LRP1B: variants seen among roughly 807,000 people sequenced by gnomAD.
The protein encoded by LRP1B is low-density lipoprotein receptor-related protein 1B.
In LRP1B, 217 loss-of-function variants were observed where a neutral mutation model predicts 556.6. The observed-to-expected ratio is 0.39, with a 90% CI of 0.35 to 0.44. The LOEUF is 0.44. LRP1B is among the 20% of genes least tolerant of loss of function. The pLI is 1.00. For synonymous variants in LRP1B, 2,047 were observed against 1,865.8 expected (o/e 1.10, Z -2.50); for missense variants, 5,053 against 5,620.8 (o/e 0.90, Z 3.23).
intron 84 of LRP1B, among the ~76,000 whole-genome samples, chr2:140,291,654 G>T (rs984896989): frequency 6.6e-6 from 1 of 151,852 alleles, no homozygotes; most frequent in Admixed American, 6.6e-5. Context: ...CCTTTCTATG[G>T]CTGCATAGTA....
chr2:140,633,600 CAAG>C (rs1683971427), intron 41 of LRP1B, among the ~76,000 whole-genome samples: 1 of 151,980 alleles, frequency 6.6e-6, no homozygotes, highest in African/African-American at 2.4e-5. Flanking sequence ...TTTAAAGAGA[CAAG>C]AAGACACAAA....
chr2:141,933,834 A>G (rs991218445), intron 1 of LRP1B, among the ~76,000 whole-genome samples: 4 of 152,174 alleles, frequency 2.6e-5, no homozygotes, highest in Non-Finnish European at 5.9e-5. Flanking sequence ...TTAGGTCATT[A>G]GCCAAGACCT....
At chr2:141,170,047 C>T (rs925002361) in intron 7 of LRP1B, among the ~76,000 whole-genome samples, 2 of 151,846 alleles carry the variant, frequency 1.3e-5, no homozygotes, top group East Asian at 1.9e-4. Context: ...CTCCTATGTT[C>T]TTATAAAAAG....
intron 1 of LRP1B, among the ~76,000 whole-genome samples, chr2:141,995,747 T>A (rs1292955386): frequency 1.3e-5 from 2 of 152,230 alleles, no homozygotes; most frequent in Admixed American, 1.3e-4. Flanking sequence ...TTAGCTTTTA[T>A]TGGTGAAAAC....
chr2:141,368,295 G>T (rs1044021893), intron 3 of LRP1B, among the ~76,000 whole-genome samples: 1 of 152,156 alleles, frequency 6.6e-6, no homozygotes, highest in Non-Finnish European at 1.5e-5. Flanking sequence ...ATTTATATGT[G>T]ATTTTGGAGA....
Position 140,464,385 on chromosome 2 carries a change from A to G in LRP1B, c.9626-6734T>C, listed in dbSNP as rs556659165. Among the ~76,000 whole-genome samples, 4 of 152,244 alleles carry G rather than the reference A, an allele frequency of 2.6e-5. No individual in the cohort carries two copies. In the South Asian group the frequency reaches 8.3e-4, roughly 32 times the overall value. On this transcript the variant is annotated intron_variant, in intron 60 of 90. Transcript: ENST00000389484. ...CATATAGATTAGGAATATTAGATTTAACATCATTTAATCTCTTCCTTTCCC... is the reference window on the plus strand; with the variant it reads ...CATATAGATTAGGAATATTAGATTTGACATCATTTAATCTCTTCCTTTCCC...
At chr2:141,230,257 T>G (rs1683409141) in intron 5 of LRP1B, among the ~76,000 whole-genome samples, 1 of 152,220 alleles carries the variant, frequency 6.6e-6, no homozygotes, top group Non-Finnish European at 1.5e-5. Context: ...TGTGGAAATC[T>G]TTAATTCATC....
chr2:140,385,852 G>A (rs775420135), intron 67 of LRP1B, 41 bp downstream of exon 67: 4 of 1,349,078 alleles, frequency 3.0e-6, no homozygotes, highest in South Asian at 2.4e-5. Flanking sequence ...TTATTGAATG[G>A]GCTGTCAAGC....
intron 29 of LRP1B, among the ~76,000 whole-genome samples, chr2:140,847,476 G>GA (rs1692306654): frequency 6.6e-6 from 1 of 151,980 alleles, no homozygotes; most frequent in African/African-American, 2.4e-5. Context: ...TTACTATATA[G>GA]AAAATGTTCA....
intron 2 of LRP1B, among the ~76,000 whole-genome samples, chr2:141,482,200 T>A (rs1186332078): frequency 6.6e-6 from 1 of 152,160 alleles, no homozygotes; most frequent in Non-Finnish European, 1.5e-5. Context: ...AAGTTAAATA[T>A]AATTTTGAAA....
intron 15 of LRP1B, among the ~76,000 whole-genome samples, chr2:140,995,777 T>C (rs1295324997): frequency 6.6e-6 from 1 of 152,088 alleles, no homozygotes; most frequent in Non-Finnish European, 1.5e-5. Context: ...TGGGATTCTA[T>C]GCAGTGTTTT....
rs576068143 is a variant in LRP1B, at chr2:140,906,844, G to A, written c.3520+1033C>T. ...ATAACCTTTTTGTTGCTCAACTTAA[G>A]TTCTTTTATTTGTTCTTAATTTTTT... On this transcript the variant is annotated intron_variant, in intron 22 of 90. Coordinates refer to ENST00000389484, the MANE Select transcript of LRP1B (RefSeq NM_018557.3). 1.9e-4 allele frequency among the ~76,000 whole-genome samples: 29 copies of A among 151,778 alleles called. 3 individuals carry two copies. The Middle Eastern group carries it at 0.034, about 178-fold the overall frequency.
At chr2:140,692,466 A>G (rs1280808766) in intron 41 of LRP1B, among the ~76,000 whole-genome samples, 5 of 152,126 alleles carry the variant, frequency 3.3e-5, no homozygotes, top group Non-Finnish European at 4.4e-5. Context: ...ACAAAATTGT[A>G]ATTTTCATCA....
At chr2:141,068,216 C>A (rs2105477939) in intron 7 of LRP1B, among the ~76,000 whole-genome samples, 1 of 152,038 alleles carries the variant, frequency 6.6e-6, no homozygotes, top group African/African-American at 2.4e-5. Context: ...ACCCGGGGTT[C>A]ATAGTCTCAC....
intron 43 of LRP1B, among the ~76,000 whole-genome samples, chr2:140,582,806 C>G (rs767919444): frequency 6.6e-6 from 1 of 152,114 alleles, no homozygotes; most frequent in African/African-American, 2.4e-5. Flanking sequence ...GAAGCATAAA[C>G]GGACTAAGAT....
chr2:141,534,843 G>A (rs977567370), intron 2 of LRP1B, among the ~76,000 whole-genome samples: 1 of 152,114 alleles, frequency 6.6e-6, no homozygotes, highest in Non-Finnish European at 1.5e-5. Context: ...GCATGGGGCT[G>A]AGAAAGAAAA....
chr2:141,819,544 A>C (rs1285676214), intron 1 of LRP1B, among the ~76,000 whole-genome samples: 4 of 152,164 alleles, frequency 2.6e-5, no homozygotes, highest in Admixed American at 2.6e-4. Context: ...AAGCTACAAA[A>C]GTTTATCTTA....
At chr2:140,500,164 C>T (rs890415475) in intron 55 of LRP1B, among the ~76,000 whole-genome samples, 10 of 151,862 alleles carry the variant, frequency 6.6e-5, no homozygotes, top group Non-Finnish European at 5.9e-5. Flanking sequence ...AGTTTAACCA[C>T]TTCTTAATAC....
chr2:141,988,375 T>C (rs1181928216), intron 1 of LRP1B, among the ~76,000 whole-genome samples: 1 of 151,886 alleles, frequency 6.6e-6, no homozygotes, highest in Non-Finnish European at 1.5e-5. Context: ...GCAACTTATA[T>C]TTAGCAGAGA....
Sources: gnomAD v4.1 joint callset for allele counts (sites outside exome capture counted in the v4.1 genomes callset) on GRCh38, gnomAD v4.1.1 for gene constraint, MANE v1.5 for transcripts, NCBI Gene and HGNC (gene_info 2026-07-23, HGNC 2026-07-21) for gene names.